Variants in NAV3 observed in about 807,000 individuals in gnomAD.
The protein encoded by NAV3 is neuron navigator 3, also known as pore membrane and/or filament interacting like protein 1.
Under a neutral mutation model 244.7 loss-of-function variants are expected in NAV3, and 87 were observed. The observed-to-expected ratio is 0.36, with a 90% CI of 0.30 to 0.42. The LOEUF (loss-of-function observed/expected upper bound fraction) is 0.42. Among genes scored for constraint, NAV3 ranks in the 20% least tolerant of loss-of-function variants. NAV3 has a pLI of 1.00. For synonymous variants in NAV3, 1,126 were observed against 1,042.2 expected, an observed-to-expected ratio of 1.08 and a Z score of -1.55; for missense variants, 2,663 against 2,893.3, an observed-to-expected ratio of 0.92 and a Z score of 1.83.
chr12:77,654,886 G>A (rs1403468254), intron 2 of NAV3, among the ~76,000 whole-genome samples: 2 of 149,694 alleles, frequency 1.3e-5, no homozygotes, highest in African/African-American at 5.0e-5. Context: ...CAACAGACCT[G>A]CAGCTGAGGG....
intron 2 of NAV3, among the ~76,000 whole-genome samples, chr12:77,819,519 A>C (rs1401189850): frequency 6.9e-6 from 1 of 143,962 alleles, no homozygotes; most frequent in Non-Finnish European, 1.6e-5. Context: ...AATAAAGTAA[A>C]ATAAGAGTTA....
chr12:77,648,328 C>T (rs896943882), intron 2 of NAV3, among the ~76,000 whole-genome samples: 1 of 152,074 alleles, frequency 6.6e-6, no homozygotes, highest in Non-Finnish European at 1.5e-5. Flanking sequence ...CACAGAGACA[C>T]CCTTAATTTT....
At chr12:77,658,812 A>G (rs1431279196) in intron 2 of NAV3, among the ~76,000 whole-genome samples, 1 of 151,938 alleles carries the variant, frequency 6.6e-6, no homozygotes, top group African/African-American at 2.4e-5. Flanking sequence ...CCGCATATCT[A>G]CAACTATCTG....
chr12:77,727,783 C>A (rs1395056747), intron 2 of NAV3, among the ~76,000 whole-genome samples: 1 of 151,828 alleles, frequency 6.6e-6, no homozygotes, highest in Non-Finnish European at 1.5e-5. Flanking sequence ...GTAACTTTTC[C>A]CAGTTATACT....
intron 2 of NAV3, among the ~76,000 whole-genome samples, chr12:77,719,031 T>G (rs529454285): frequency 6.6e-6 from 1 of 152,200 alleles, no homozygotes; most frequent in Non-Finnish European, 1.5e-5. Flanking sequence ...ACAAGTCTTT[T>G]CTTCCTTAGT....
chr12:77,908,964 T>A (rs1886293350), intron 1 of NAV3, among the ~76,000 whole-genome samples: 1 of 152,092 alleles, frequency 6.6e-6, no homozygotes, highest in South Asian at 2.1e-4. Context: ...TGGATCCAAA[T>A]CATGACCCTT....
At position 78,160,161 on chromosome 12, in the gene NAV3, C is replaced by G. The variant is rs1291901410; in HGVS notation, c.4869+875C>G. ...TTATATCAAAATACTTAAAATGAAC[C>G]TAAAGGATTTTATGGTATGAAAGAA... On this transcript the variant is annotated intron_variant, in intron 23 of 39. Coordinates refer to ENST00000397909, the MANE Select transcript of NAV3 (RefSeq NM_001024383.2). Among the ~76,000 whole-genome samples the G allele has an allele frequency of 6.6e-5, 10 of 151,978 alleles. No homozygotes were observed. In the East Asian group the frequency reaches 1.9e-3, roughly 29 times the overall value.
chr12:78,031,109 G>A (rs1450530949), intron 9 of NAV3, among the ~76,000 whole-genome samples: 1 of 152,156 alleles, frequency 6.6e-6, no homozygotes, highest in African/African-American at 2.4e-5. Context: ...AGTTAGTCTT[G>A]CCAGGGTAAG....
intron 24 of NAV3, among the ~76,000 whole-genome samples, chr12:78,172,000 C>T (rs181278197): frequency 6.6e-6 from 1 of 151,492 alleles, no homozygotes; most frequent in East Asian, 1.9e-4. Context: ...TATTTAAACA[C>T]CTGCTATTAA....
intron 2 of NAV3, among the ~76,000 whole-genome samples, chr12:77,645,536 TAA>T (rs756805711): frequency 1.6e-4 from 10 of 63,004 alleles, no homozygotes; most frequent in Admixed American, 3.7e-4. Flanking sequence ...TCTCTCTCTC[TAA>T]AAAAAAAAAA....
chr12:78,035,382 T>C (rs565164595), intron 9 of NAV3, among the ~76,000 whole-genome samples: 1 of 152,320 alleles, frequency 6.6e-6, no homozygotes, highest in Admixed American at 6.5e-5. Flanking sequence ...TTCTTAACTG[T>C]CAATGGTACC....
chr12:78,150,629 CCT>C (rs1491335841), intron 22 of NAV3, among the ~76,000 whole-genome samples: 3,795 of 122,580 alleles, frequency 0.031, 87 homozygotes, highest in African/African-American at 0.059. Context: ...GCAAAAGCTT[CCT>C]CACACACACA....
At chr12:77,955,805 G>A (rs1891306190) in intron 3 of NAV3, among the ~76,000 whole-genome samples, 1 of 152,152 alleles carries the variant, frequency 6.6e-6, no homozygotes, top group Non-Finnish European at 1.5e-5. Context: ...AGGAGGTGGA[G>A]GTTGTAATGA....
chr12:78,107,103 TTACAA>T (rs1225288474), intron 12 of NAV3, among the ~76,000 whole-genome samples: 2 of 152,178 alleles, frequency 1.3e-5, no homozygotes, highest in Non-Finnish European at 2.9e-5. Context: ...GAAGCGACTG[TTACAA>T]CAGATATGCA....
At chr12:77,994,585 G>A (rs544043051) in intron 5 of NAV3, among the ~76,000 whole-genome samples, 1 of 128,268 alleles carries the variant, frequency 7.8e-6, no homozygotes, top group African/African-American at 3.2e-5. Context: ...CACATTTTAT[G>A]ACAAGGTGTG....
intron 3 of NAV3, among the ~76,000 whole-genome samples, chr12:77,964,456 C>A (rs1176006367): frequency 6.6e-6 from 1 of 152,082 alleles, no homozygotes; most frequent in Admixed American, 6.6e-5. Context: ...TATTAGGCCA[C>A]AATAATTATT....
At chr12:78,021,960 G>A (rs1396709687) in intron 9 of NAV3, 98 bp downstream of exon 9, 12 of 624,084 alleles carry the variant, frequency 1.9e-5, no homozygotes, top group Middle Eastern at 3.7e-4. Context: ...ACTGTTTTTA[G>A]TGCAAAAATG....
intron 2 of NAV3, among the ~76,000 whole-genome samples, chr12:77,735,965 G>C (rs1052619034): frequency 1.3e-5 from 2 of 152,164 alleles, no homozygotes; most frequent in Non-Finnish European, 2.9e-5. Context: ...CCCCTCTGCT[G>C]TCTGAAAACA....
chr12:77,651,215 A>C (rs924631578), intron 2 of NAV3, among the ~76,000 whole-genome samples: 3 of 152,078 alleles, frequency 2.0e-5, no homozygotes, highest in African/African-American at 7.2e-5. Flanking sequence ...TTACTTCATC[A>C]ATTCCTTAGA....
Sources: allele counts gnomAD v4.1 joint callset (sites outside exome capture counted in the v4.1 genomes callset), GRCh38; gene constraint gnomAD v4.1.1; transcripts MANE v1.5; gene names NCBI Gene and HGNC (gene_info 2026-07-23, HGNC 2026-07-21).